The following IGFBPL1 variants were observed in gnomAD, a reference collection of about 807,000 sequenced individuals.
The protein encoded by IGFBPL1 is insulin-like growth factor-binding protein-like 1.
IGFBPL1 carries 20 observed loss-of-function variants against 23.9 expected under a neutral mutation model. The observed-to-expected ratio is 0.84, with a 90% CI of 0.59 to 1.22. The LOEUF (loss-of-function observed/expected upper bound fraction) is 1.22, where lower values mean the gene tolerates loss of function less well. Among genes scored for constraint, IGFBPL1 ranks in the 50% most tolerant of loss-of-function variants. IGFBPL1 has a pLI of 0.00. For missense variants in IGFBPL1, 436 were observed against 379.3 expected (o/e 1.15, Z -1.24); for synonymous variants, 184 against 171.8 (o/e 1.07, Z -0.56).
chr9:38,414,041 A>T (rs1214376989), intron 2 of IGFBPL1, 53 bp downstream of exon 2: 5 of 1,011,324 alleles, frequency 4.9e-6, no homozygotes, highest in African/African-American at 3.2e-5. Context: ...TCTCACACAC[A>T]CACACACACA....
At chr9:38,414,064 C>CAA in intron 2 of IGFBPL1, 30 bp downstream of exon 2, 3 of 1,249,302 alleles carry the variant, frequency 2.4e-6, no homozygotes, top group Admixed American at 1.7e-5. Flanking sequence ...CACACACACA[C>CAA]GAGATGCATG....
At chr9:38,418,013 C>A (rs923146626) in intron 1 of IGFBPL1, among the ~76,000 whole-genome samples, 1 of 152,196 alleles carries the variant, frequency 6.6e-6, no homozygotes, top group African/African-American at 2.4e-5. Flanking sequence ...TGCCAGCAGG[C>A]CTTTCTGAGG....
At chr9:38,415,699 G>A (rs1397160025) in intron 1 of IGFBPL1, among the ~76,000 whole-genome samples, 1 of 152,160 alleles carries the variant, frequency 6.6e-6, no homozygotes, top group Non-Finnish European at 1.5e-5. Context: ...TACGGAGCCA[G>A]GCCATTCTGT....
intron 3 of IGFBPL1, among the ~76,000 whole-genome samples, chr9:38,412,348 C>T (rs905460714): frequency 6.6e-6 from 1 of 152,188 alleles, no homozygotes; most frequent in African/African-American, 2.4e-5. Context: ...CCTCAGAGGT[C>T]TTTCAGTTTG....
intron 1 of IGFBPL1, among the ~76,000 whole-genome samples, chr9:38,422,143 T>A (rs1451480075): frequency 6.6e-6 from 1 of 152,212 alleles, no homozygotes; most frequent in Non-Finnish European, 1.5e-5. Flanking sequence ...GACTTAATAC[T>A]ATTAAGTCCT....
chr9:38,417,144 CTTGT>C (rs1821610615), intron 1 of IGFBPL1, among the ~76,000 whole-genome samples: 1 of 152,194 alleles, frequency 6.6e-6, no homozygotes, highest in Non-Finnish European at 1.5e-5. Context: ...CAGGTATTAA[CTTGT>C]TTATCTCTCC....
chr9:38,421,831 C>T (rs1248446111), intron 1 of IGFBPL1, among the ~76,000 whole-genome samples: 1 of 152,212 alleles, frequency 6.6e-6, no homozygotes, highest in Non-Finnish European at 1.5e-5. Context: ...GACAGGCAAA[C>T]AGTGCCCGGT....
intron 1 of IGFBPL1, among the ~76,000 whole-genome samples, chr9:38,420,344 T>C (rs561972815): frequency 6.6e-5 from 10 of 152,300 alleles, no homozygotes; most frequent in East Asian, 1.9e-4. Context: ...CTTGCTAGCA[T>C]TGGGATTCTC....
At chr9:38,416,507 T>C (rs1815577556) in intron 1 of IGFBPL1, among the ~76,000 whole-genome samples, 1 of 152,184 alleles carries the variant, frequency 6.6e-6, no homozygotes, top group African/African-American at 2.4e-5. Context: ...TTTATTTATT[T>C]ATTTATTTTT....
chr9:38,413,383 C>T, intron 2 of IGFBPL1, 30 bp from the exon 3 acceptor site: 1 of 1,461,504 alleles, frequency 6.8e-7, no homozygotes, highest in Non-Finnish European at 9.5e-7. Flanking sequence ...CAGGAGGGGG[C>T]TTAGAAAAAG....
intron 4 of IGFBPL1, among the ~76,000 whole-genome samples, chr9:38,409,773 C>T (rs1821483685): frequency 1.3e-5 from 2 of 152,196 alleles, no homozygotes; most frequent in Admixed American, 1.3e-4. Flanking sequence ...TCCTATTTCA[C>T]AGTTTTACAT....
intron 3 of IGFBPL1, among the ~76,000 whole-genome samples, chr9:38,412,778 C>T (rs971909864): frequency 6.6e-6 from 1 of 152,140 alleles, no homozygotes; most frequent in African/African-American, 2.4e-5. Context: ...TGGCTGTGGC[C>T]CTTTCCAACA....
chr9:38,412,829 C>A (rs537136608), intron 3 of IGFBPL1, among the ~76,000 whole-genome samples: 1 of 152,176 alleles, frequency 6.6e-6, no homozygotes, highest in Non-Finnish European at 1.5e-5. Context: ...CTCCTCACAT[C>A]GAATCACTTC....
chr9:38,413,446 T>G (rs556116455), intron 2 of IGFBPL1, 93 bp from the exon 3 acceptor site: 1 of 770,214 alleles, frequency 1.3e-6, no homozygotes, highest in East Asian at 2.5e-5. Context: ...TCCTTCCTCC[T>G]CCTCCCACTG....
chr9:38,424,193 C>A lies in IGFBPL1; in HGVS notation c.232G>T (p.Gly78Trp), dbSNP rs1821726432. The change falls in exon 1 of 5, where the codon GGG becomes TGG. Residue 78 changes from glycine to tryptophan, a missense_variant. Transcript: ENST00000377694. ...CCACAGCGCCCGCCGGCGCGGCCCC[C>A]GCAGCTCGCGCCCTCGGCTCCCAGG... ...RCLGAEGASC[G>W]GRAGGRCGPG... 1.7e-6 allele frequency: 2 copies of A among 1,165,438 alleles called. No homozygotes were observed. The highest frequency in any genetic ancestry group is 2.1e-6 in the Non-Finnish European group (2 of 946,590). The allele number at this position is 1,165,438 out of a possible 1,614,324, so 72.2% of individuals were successfully genotyped here. A position where few individuals can be genotyped will look rare whatever the true frequency, so the allele number is the denominator to read the frequency against.
rs550289684 is a variant in IGFBPL1, at chr9:38,421,552, C to G, written c.460+2413G>C. ...GGCCTCATTCCATGAAATCTAGGTG[C>G]TTGGGTACCCAAGGAGTCAGGAGGG... is the stretch of plus-strand genomic sequence containing the variant. On this transcript the variant is annotated intron_variant, in intron 1 of 4. Coordinates refer to ENST00000377694, the MANE Select transcript of IGFBPL1 (RefSeq NM_001007563.3). Among the ~76,000 whole-genome samples, 18 of 152,178 alleles carry G rather than the reference C, an allele frequency of 1.2e-4. No individual in the cohort carries two copies. The South Asian group carries it at 3.7e-3, about 32-fold the overall frequency.
chr9:38,413,373 C>T lies in IGFBPL1; in HGVS notation c.571-20G>A, dbSNP rs1821543843. ...CGTGACCTACAGGGGACAGGAATGC[C>T]AGGAGGGGGCTTAGAAAAAGCAATT... On this transcript the variant is annotated intron_variant, in intron 2 of 4. Coordinates refer to ENST00000377694, the MANE Select transcript of IGFBPL1 (RefSeq NM_001007563.3). The T allele has an allele frequency of 6.6e-7, 1 of 1,509,832 alleles. No individual in the cohort carries two copies. The highest frequency in any genetic ancestry group is 1.4e-5 in the African/African-American group (1 of 72,588). The allele number at this position is 1,509,832 out of a possible 1,614,324, so 93.5% of individuals were successfully genotyped here.
At chr9:38,411,979 A>G (rs1482748235) in intron 3 of IGFBPL1, among the ~76,000 whole-genome samples, 5 of 152,186 alleles carry the variant, frequency 3.3e-5, no homozygotes, top group Non-Finnish European at 7.3e-5. Context: ...TTCTCCTAAG[A>G]AAATAGAGGA....
Position 38,415,201 on chromosome 9 carries a change from C to T in IGFBPL1, c.461-998G>A, listed in dbSNP as rs142226840. 6.0e-3 allele frequency among the ~76,000 whole-genome samples: 914 copies of T among 152,300 alleles called. 5 individuals are homozygous for T. Among genetic ancestry groups the T allele is most frequent in the Admixed American group, 0.012 (178 of 15,300 alleles). On this transcript the variant is annotated intron_variant, in intron 1 of 4. Coordinates refer to ENST00000377694, the MANE Select transcript of IGFBPL1 (RefSeq NM_001007563.3). ...GAAAAGTGTAAGTTAATGTGATATGCAAGTGAGGGCCAGGAGCAAAAGGAT... is the reference window on the plus strand; with the variant it reads ...GAAAAGTGTAAGTTAATGTGATATGTAAGTGAGGGCCAGGAGCAAAAGGAT...
Sources: gnomAD v4.1 joint callset for allele counts (sites outside exome capture counted in the v4.1 genomes callset) on GRCh38, gnomAD v4.1.1 for gene constraint, MANE v1.5 for transcripts, NCBI Gene and HGNC (gene_info 2026-07-23, HGNC 2026-07-21) for gene names.